ITGA4: variants seen among roughly 807,000 people sequenced by gnomAD.
ITGA4 encodes integrin subunit alpha 4.
A neutral mutation model predicts 133.6 loss-of-function variants in ITGA4; 63 were observed. The observed-to-expected ratio is 0.47, with a 90% CI of 0.38 to 0.58. The LOEUF (loss-of-function observed/expected upper bound fraction) is 0.58. ITGA4 is among the 20% of genes least tolerant of loss of function. ITGA4 has a pLI of 0.00. For synonymous variants in ITGA4, 483 were observed against 438.0 expected (o/e 1.10, Z -1.28); for missense variants, 1,076 against 1,252.7 (o/e 0.86, Z 2.13).
chr2:181,485,346 C>G (rs1362987727), intron 9 of ITGA4, among the ~76,000 whole-genome samples: 2 of 151,848 alleles, frequency 1.3e-5, no homozygotes, highest in Non-Finnish European at 2.9e-5. Flanking sequence ...TATGCTTATC[C>G]TTCAATAGCC....
At chr2:181,509,372 A>G (rs1057277700) in intron 15 of ITGA4, among the ~76,000 whole-genome samples, 1 of 152,000 alleles carries the variant, frequency 6.6e-6, no homozygotes, top group Non-Finnish European at 1.5e-5. Flanking sequence ...TTAAATGCGT[A>G]GAAAATAGCA....
At chr2:181,494,064 T>C (rs1686111074) in intron 11 of ITGA4, among the ~76,000 whole-genome samples, 1 of 152,196 alleles carries the variant, frequency 6.6e-6, no homozygotes, top group Non-Finnish European at 1.5e-5. Context: ...AAAAGAAATG[T>C]ATTTGTCTAG....
Position 181,527,312 on chromosome 2 carries a change from T to G in ITGA4, c.2355T>G (p.Thr785=). 6.2e-7 allele frequency: 1 copy of G among 1,610,146 alleles called. No individual in the cohort carries two copies. The highest frequency in any genetic ancestry group is 8.5e-7 in the Non-Finnish European group (1 of 1,176,554). ...TTTTTACCAGGTTTGTAAACCCAACTTCATTTGTGTATGGATCAAATGATG... is the reference window on the plus strand; with the variant it reads ...TTTTTACCAGGTTTGTAAACCCAACGTCATTTGTGTATGGATCAAATGATG... ...KLTVHGFVNP[T]SFVYGSNDEN... is the part of the protein sequence containing the mutation. Residue 785 remains threonine (T), a synonymous_variant, in exon 22 of 28, where the codon ACT becomes ACG. Transcript: ENST00000397033.
At chr2:181,528,395 GTTTA>G (rs761998662) in intron 22 of ITGA4, among the ~76,000 whole-genome samples, 5 of 152,178 alleles carry the variant, frequency 3.3e-5, no homozygotes, top group African/African-American at 9.7e-5. Context: ...ACTCTAGAAT[GTTTA>G]TTTATTAATT....
In ITGA4 at chr2:181,523,233, T is replaced by C. The variant is rs562730865; in HGVS notation, c.2074-204T>C. On this transcript the variant is annotated intron_variant, in intron 18 of 27. Coordinates refer to ENST00000397033, the MANE Select transcript of ITGA4 (RefSeq NM_000885.6). The surrounding 1 kb of genome is among the most constrained non-coding windows in gnomAD (Gnocchi z 4.2). ...ATATATACACACATATATACATACATATATATACACATACATATATACACA... is the reference window on the plus strand; with the variant it reads ...ATATATACACACATATATACATACACATATATACACATACATATATACACA... The C allele has an allele frequency of 1.1e-5, 5 of 449,708 alleles. No individual in the cohort carries two copies. Among genetic ancestry groups the C allele is most frequent in the African/African-American group, 2.0e-5 (1 of 50,428 alleles). The allele number at this position is 449,708 out of a possible 1,614,324, so 27.9% of individuals were successfully genotyped here.
At chr2:181,483,546 C>A (rs1419891044) in intron 9 of ITGA4, among the ~76,000 whole-genome samples, 1 of 152,174 alleles carries the variant, frequency 6.6e-6, no homozygotes. Context: ...TTATATTAAG[C>A]ATCAGACTAA....
At chr2:181,482,026 T>C (rs917070092) in intron 7 of ITGA4, among the ~76,000 whole-genome samples, 2 of 152,190 alleles carry the variant, frequency 1.3e-5, no homozygotes, top group Admixed American at 6.6e-5. Flanking sequence ...GAAGGAAATA[T>C]TATTCCTGGT....
rs75938032 is a variant in ITGA4 at position 181,527,763 on chromosome 2, G to A, written c.2430+376G>A. On this transcript the variant is annotated intron_variant, in intron 22 of 27. Coordinates refer to ENST00000397033, the MANE Select transcript of ITGA4 (RefSeq NM_000885.6). Reference sequence around the variant, plus strand: ...AGTGAAATTTCTTCTTGGTTCAAGCGTATAAAAACCTCAGCACTACAAAGT... The same window carrying A: ...AGTGAAATTTCTTCTTGGTTCAAGCATATAAAAACCTCAGCACTACAAAGT... 3.9e-3 allele frequency among the ~76,000 whole-genome samples: 596 copies of A among 152,268 alleles called. 7 individuals carry two copies. The highest frequency in any genetic ancestry group is 0.014 in the African/African-American group (568 of 41,562).
intron 10 of ITGA4, among the ~76,000 whole-genome samples, chr2:181,487,255 G>T (rs1406337530): frequency 2.0e-5 from 3 of 152,150 alleles, no homozygotes; most frequent in Admixed American, 2.0e-4. Flanking sequence ...CAGGACCCCA[G>T]GTTGGGCATT....
At position 181,534,916 on chromosome 2, in the gene ITGA4, T is replaced by G. The variant is rs1374270303; in HGVS notation, c.2984T>G (p.Ile995Ser). 1.3e-6 allele frequency: 2 copies of G among 1,583,160 alleles called. No individual in the cohort carries two copies. The highest frequency in any genetic ancestry group is 2.3e-5 in the East Asian group (1 of 44,202). ...CTTGGACTTATTGTACTTCTATTGATCTCATATGTTATGTGGAAGGTAAGC... is the reference window on the plus strand; with the variant it reads ...CTTGGACTTATTGTACTTCTATTGAGCTCATATGTTATGTGGAAGGTAAGC... ...LLLGLIVLLL[I>S]SYVMWKAGFF... The change falls in exon 27 of 28, where the codon ATC becomes AGC. Residue 995 changes from isoleucine to serine, a missense_variant. Transcript: ENST00000397033.
chr2:181,458,538 C>G, intron 2 of ITGA4: 2 of 564,818 alleles, frequency 3.5e-6, no homozygotes, highest in Non-Finnish European at 6.3e-6. Flanking sequence ...GATTGCAGTA[C>G]TCTGACAACT....
At position 181,537,307 on chromosome 2, in the gene ITGA4, A is replaced by G; in HGVS notation, c.*1780A>G. Reference sequence around the variant, plus strand: ...ACAACTATATATTTCAGGTTATCTGAGCACAGTGAAAGCAGAGTACTATGG... The same window carrying G: ...ACAACTATATATTTCAGGTTATCTGGGCACAGTGAAAGCAGAGTACTATGG... On this transcript the variant is annotated 3_prime_UTR_variant, in exon 28 of 28. Coordinates refer to ENST00000397033, the MANE Select transcript of ITGA4 (RefSeq NM_000885.6). The G allele has an allele frequency of 2.2e-6, 1 of 453,316 alleles. No individual in the cohort carries two copies. Among genetic ancestry groups the G allele is most frequent in the Non-Finnish European group, 4.4e-6 (1 of 226,214 alleles). The allele number at this position is 453,316 out of a possible 1,614,324, so 28.1% of individuals were successfully genotyped here.
intron 15 of ITGA4, among the ~76,000 whole-genome samples, chr2:181,507,106 T>C (rs1405840304): frequency 6.6e-6 from 1 of 152,110 alleles, no homozygotes; most frequent in Admixed American, 6.6e-5. Context: ...CTTAAATTAT[T>C]AGTATGAAAG....
intron 2 of ITGA4, chr2:181,459,375 G>T (rs993342290): frequency 6.6e-6 from 1 of 152,102 alleles, no homozygotes; most frequent in African/African-American, 2.4e-5. Flanking sequence ...GAATAAAATT[G>T]GTACTTCTTT....
chr2:181,476,251 T>G (rs1455042447), intron 4 of ITGA4: 1 of 154,550 alleles, frequency 6.5e-6, no homozygotes, highest in African/African-American at 2.4e-5. Flanking sequence ...CTAATAGTTT[T>G]CGGTTTATCT....
intron 10 of ITGA4, among the ~76,000 whole-genome samples, chr2:181,490,395 A>G (rs539039864): frequency 1.2e-4 from 18 of 151,838 alleles, no homozygotes; most frequent in African/African-American, 4.4e-4. Context: ...GGCTTGTTTC[A>G]TTTAAGATAA....
In ITGA4 at chr2:181,498,683, A is replaced by G. The variant is rs751609596; in HGVS notation, c.1601A>G (p.Tyr534Cys). The G allele has an allele frequency of 5.6e-6, 9 of 1,612,382 alleles. No individual in the cohort carries two copies. Among genetic ancestry groups the G allele is most frequent in the South Asian group, 3.3e-5 (3 of 91,010 alleles). The change falls in exon 15 of 28, where the codon TAT (tyrosine) becomes TGT (cysteine). Residue 534 changes from tyrosine to cysteine, a missense_variant. Physicochemically the swap from Tyr to Cys is radical, Grantham distance 194. Coordinates refer to ENST00000397033, the MANE Select transcript of ITGA4 (RefSeq NM_000885.6). ...AAGGCAGAGTCTCCACCAAGATTCT[A>G]TTTCTCTTCTAATGGAACTTCTGAC... Reference protein sequence around the residue: ...NRKAESPPRFYFSSNGTSDVI... With the variant: ...NRKAESPPRFCFSSNGTSDVI...
At chr2:181,509,135 TAAAAAAAAAAAAAAAAAAAAAAAAAA>T (rs57180154) in intron 15 of ITGA4, among the ~76,000 whole-genome samples, 19 of 44,674 alleles carry the variant, frequency 4.3e-4, no homozygotes, top group African/African-American at 1.7e-3. Flanking sequence ...TCCCATCTCT[TAAAAAAAAAAAAAAAAAAAAAAAAAA>T]AAAAAAAAAA....
chr2:181,458,179 C>A lies in ITGA4; in HGVS notation c.198-17C>A, dbSNP rs1269422697. 3.1e-6 allele frequency: 5 copies of A among 1,613,860 alleles called. No homozygotes were observed. The African/African-American group carries it at 6.7e-5, about 22-fold the overall frequency. ...CACAGCTCACGTCTGAGCGCACGTG[C>A]ACGTGTCTCGCTTTAGGCTCCTAGT... is the stretch of plus-strand genomic sequence containing the variant. On this transcript the variant is annotated splice_polypyrimidine_tract_variant and intron_variant, in intron 1 of 27. Coordinates refer to ENST00000397033, the MANE Select transcript of ITGA4 (RefSeq NM_000885.6).
Sources: gnomAD v4.1 joint callset for allele counts (sites outside exome capture counted in the v4.1 genomes callset) on GRCh38, gnomAD v4.1.1 for gene constraint, Gnocchi (gnomAD v3.1) non-coding constraint, MANE v1.5 for transcripts, NCBI Gene and HGNC (gene_info 2026-07-23, HGNC 2026-07-21) for gene names.